SCFD2: variants seen among roughly 807,000 people sequenced by gnomAD.
SCFD2 encodes sec1 family domain-containing protein 2.
Under a neutral mutation model 58.9 loss-of-function variants are expected in SCFD2, and 54 were observed. The ratio of observed to expected loss-of-function variants is 0.92; its 90% confidence interval spans 0.74 to 1.15. The LOEUF (loss-of-function observed/expected upper bound fraction) is 1.15. Ranked by LOEUF, SCFD2 falls within the 50% of genes most tolerant of loss-of-function variation. SCFD2 has a pLI of 0.00. For missense variants in SCFD2, 805 were observed against 836.6 expected, an observed-to-expected ratio of 0.96 and a Z score of 0.47; for synonymous variants, 321 against 335.9, an observed-to-expected ratio of 0.96 and a Z score of 0.49.
intron 5 of SCFD2, among the ~76,000 whole-genome samples, chr4:53,100,969 G>C (rs1191675568): frequency 6.6e-6 from 1 of 152,098 alleles, no homozygotes; most frequent in Non-Finnish European, 1.5e-5. Context: ...CCACAGTTGA[G>C]AGATTAAGTA....
chr4:52,911,625 T>A (rs957797624), intron 6 of SCFD2, among the ~76,000 whole-genome samples: 3 of 152,128 alleles, frequency 2.0e-5, no homozygotes, highest in Non-Finnish European at 2.9e-5. Flanking sequence ...GAAAAGAACA[T>A]AAATGCTTTT....
At chr4:53,279,571 C>G (rs1242809813) in intron 3 of SCFD2, among the ~76,000 whole-genome samples, 3 of 152,080 alleles carry the variant, frequency 2.0e-5, no homozygotes, top group Non-Finnish European at 2.9e-5. Context: ...ATTTAGAAAA[C>G]AAAAGGATTT....
At chr4:53,186,748 G>A (rs1173932510) in intron 4 of SCFD2, among the ~76,000 whole-genome samples, 1 of 152,020 alleles carries the variant, frequency 6.6e-6, no homozygotes, top group Non-Finnish European at 1.5e-5. Context: ...GCAAAATCAA[G>A]CAAGAGAAGA....
At chr4:52,953,739 C>T (rs1157790233) in intron 5 of SCFD2, among the ~76,000 whole-genome samples, 3 of 152,172 alleles carry the variant, frequency 2.0e-5, no homozygotes, top group East Asian at 1.9e-4. Context: ...AAGGGACTTA[C>T]ATTAGAGTTT....
At position 53,352,683 on chromosome 4, in the gene SCFD2, T is replaced by C. The variant is rs765285823; in HGVS notation, c.922A>G (p.Met308Val). The change falls in exon 2 of 9, where the codon ATG becomes GTG. Residue 308 changes from methionine (M) to valine (V), a missense_variant. Physicochemically the swap from Met to Val is conservative, Grantham distance 21. Transcript: ENST00000401642. ...PQLPGHTNDV[M>V]VNMIALTALH... ...GCAGTGAGCGCTATCATGTTAACCATCACATCATTTGTGTGGCCTGGGAGC... is the reference window on the plus strand; with the variant it reads ...GCAGTGAGCGCTATCATGTTAACCACCACATCATTTGTGTGGCCTGGGAGC... 54 of 1,613,896 alleles carry C rather than the reference T, an allele frequency of 3.3e-5. No homozygotes were observed. Among genetic ancestry groups the C allele is most frequent in the Admixed American group, 1.2e-4 (7 of 60,002 alleles).
intron 7 of SCFD2, among the ~76,000 whole-genome samples, chr4:52,889,184 G>A (rs558399806): frequency 3.3e-5 from 5 of 152,246 alleles, no homozygotes; most frequent in Admixed American, 6.5e-5. Context: ...CCCATCCGCA[G>A]TTTGGCCATA....
intron 5 of SCFD2, among the ~76,000 whole-genome samples, chr4:53,012,605 G>A (rs1722121120): frequency 6.6e-6 from 1 of 151,968 alleles, no homozygotes. Context: ...TCATTCCTTT[G>A]TTCATGTAGG....
At chr4:53,363,695 C>T (rs1325261067) in intron 1 of SCFD2, among the ~76,000 whole-genome samples, 2 of 151,268 alleles carry the variant, frequency 1.3e-5, no homozygotes, top group African/African-American at 4.8e-5. Context: ...TAGTGGCGGG[C>T]GCCTGTAGTC....
chr4:53,133,907 T>C (rs563612218), intron 5 of SCFD2, among the ~76,000 whole-genome samples: 1 of 152,246 alleles, frequency 6.6e-6, no homozygotes, highest in Admixed American at 6.5e-5. Flanking sequence ...CAATGAACAT[T>C]TAGGTTGTTT....
intron 4 of SCFD2, among the ~76,000 whole-genome samples, chr4:53,253,199 C>A (rs941194148): frequency 4.9e-4 from 75 of 152,252 alleles, no homozygotes; most frequent in African/African-American, 1.5e-3. Flanking sequence ...ATACTATCTC[C>A]CACCAGTTAG....
intron 1 of SCFD2, among the ~76,000 whole-genome samples, chr4:53,363,156 G>C (rs1266909355): frequency 6.7e-6 from 1 of 149,830 alleles, no homozygotes; most frequent in African/African-American, 2.5e-5. Context: ...TCTTTTTTGA[G>C]ACAGAATCTG....
At chr4:53,131,195 A>T (rs182720007) in intron 5 of SCFD2, among the ~76,000 whole-genome samples, 3 of 152,356 alleles carry the variant, frequency 2.0e-5, no homozygotes, top group East Asian at 3.9e-4. Context: ...TGACAATGAG[A>T]ATTTATTACT....
rs1399829002 is a variant in SCFD2 at position 53,246,648 on chromosome 4, T to G, written c.1311+27178A>C. On this transcript the variant is annotated intron_variant, in intron 4 of 8. Coordinates refer to ENST00000401642, the MANE Select transcript of SCFD2 (RefSeq NM_152540.4). ...CTGGAATAACTGGCTAGCAGAAGAT[T>G]GAAAGTGGACCCTTTCCTTATACCA... Among the ~76,000 whole-genome samples the G allele has an allele frequency of 6.6e-5, 10 of 152,098 alleles. 1 individual carries two copies. Among genetic ancestry groups the G allele is most frequent in the Non-Finnish European group, 2.9e-5 (2 of 67,966 alleles).
At chr4:53,091,364 G>GT (rs1434179392) in intron 5 of SCFD2, among the ~76,000 whole-genome samples, 1 of 130,408 alleles carries the variant, frequency 7.7e-6, no homozygotes, top group East Asian at 2.4e-4. Context: ...AGGAAACTAG[G>GT]TTAAAAAAAA....
At chr4:53,136,087 T>C (rs1296785193) in intron 5 of SCFD2, among the ~76,000 whole-genome samples, 1 of 152,248 alleles carries the variant, frequency 6.6e-6, no homozygotes, top group Non-Finnish European at 1.5e-5. Context: ...AATATTTGTA[T>C]ATTTATATGT....
At chr4:53,295,105 T>C (rs1731979204) in intron 3 of SCFD2, among the ~76,000 whole-genome samples, 1 of 152,216 alleles carries the variant, frequency 6.6e-6, no homozygotes. Context: ...TTGCTTAGGA[T>C]TGTCTTGGCT....
chr4:53,169,710 T>G (rs1560367476), intron 4 of SCFD2, among the ~76,000 whole-genome samples: 2 of 152,240 alleles, frequency 1.3e-5, no homozygotes, highest in African/African-American at 4.8e-5. Context: ...CACATCTTTT[T>G]TTGTTGTTTT....
At chr4:53,156,847 A>G (rs570877807) in intron 4 of SCFD2, among the ~76,000 whole-genome samples, 1 of 152,380 alleles carries the variant, frequency 6.6e-6, no homozygotes, top group South Asian at 2.1e-4. Context: ...TTATCCCTAG[A>G]AAAAGCACTT....
chr4:53,268,847 AG>A (rs1364346887), intron 4 of SCFD2, among the ~76,000 whole-genome samples: 1 of 152,184 alleles, frequency 6.6e-6, no homozygotes, highest in Non-Finnish European at 1.5e-5. Context: ...AGGTGAGGTG[AG>A]GAGGCATCCA....
Sources: gnomAD v4.1 joint callset for allele counts (sites outside exome capture counted in the v4.1 genomes callset) on GRCh38, gnomAD v4.1.1 for gene constraint, MANE v1.5 for transcripts, NCBI Gene and HGNC (gene_info 2026-07-23, HGNC 2026-07-21) for gene names.